The following DNAH1 variants were observed in gnomAD, a reference collection of about 807,000 sequenced individuals.
DNAH1 encodes the protein axonemal beta dynein heavy chain 1.
Under a neutral mutation model 484.3 loss-of-function variants are expected in DNAH1, and 327 were observed. The observed-to-expected ratio is 0.68, with a 90% CI of 0.62 to 0.74. DNAH1 has a LOEUF of 0.74. Ranked by LOEUF, DNAH1 falls within the 30% of genes least tolerant of loss-of-function variation. The pLI, the probability that DNAH1 is intolerant of heterozygous loss-of-function variation, is 0.00. For synonymous variants in DNAH1, 2,192 were observed against 2,191.9 expected, an observed-to-expected ratio of 1.00 and a Z score of 0.00; for missense variants, 5,052 against 5,546.8, an observed-to-expected ratio of 0.91 and a Z score of 2.83.
chr3:52,351,008 C>T (rs548544942), intron 16 of DNAH1, among the ~76,000 whole-genome samples: 1 of 152,334 alleles, frequency 6.6e-6, no homozygotes, highest in South Asian at 2.1e-4. Context: ...CACCACCATG[C>T]CCGGCTAATT....
At chr3:52,382,494 T>C in intron 50 of DNAH1, 39 bp downstream of exon 50, 1 of 1,609,640 alleles carries the variant, frequency 6.2e-7, no homozygotes. Context: ...TCGGGGGGGC[T>C]GGACACAACC....
chr3:52,382,200 C>G, intron 49 of DNAH1, 120 bp from the exon 50 acceptor site: 1 of 1,519,558 alleles, frequency 6.6e-7, no homozygotes, highest in Non-Finnish European at 9.0e-7. Flanking sequence ...GAAGGGTCTG[C>G]AGGTCTGCCC....
Position 52,374,112 on chromosome 3 carries a change from C to G in DNAH1, c.6985+1059C>G. On this transcript the variant is annotated intron_variant, in intron 44 of 77. Coordinates refer to ENST00000420323, the MANE Select transcript of DNAH1 (RefSeq NM_015512.5). ...CAGGAGAGAGATTTTCTTAAAACCA[C>G]CCTTCACAGAATCTATGGGAAATTC... 4 of 1,128,252 alleles carry G rather than the reference C, an allele frequency of 3.5e-6. No individual in the cohort carries two copies. In the South Asian group the frequency reaches 5.0e-5, roughly 14 times the overall value. The allele number at this position is 1,128,252 out of a possible 1,614,324, so 69.9% of individuals were successfully genotyped here.
chr3:52,362,978 T>G lies in DNAH1; in HGVS notation c.5095-17T>G, dbSNP rs768202982. The G allele has an allele frequency of 1.9e-5, 30 of 1,613,526 alleles. No individual in the cohort carries two copies. In the East Asian group the frequency reaches 2.5e-4, roughly 13 times the overall value. ...GTGAGCTCTGTTTGCTGTTCACATG[T>G]GCACTGTGTGTCCCAGGCGCTCTTC... On this transcript the variant is annotated splice_polypyrimidine_tract_variant and intron_variant, in intron 31 of 77. Coordinates refer to ENST00000420323, the MANE Select transcript of DNAH1 (RefSeq NM_015512.5). The surrounding 1 kb of genome is among the most constrained non-coding windows in gnomAD (Gnocchi z 5.1).
At chr3:52,319,527 C>G (rs539596022) in intron 1 of DNAH1, among the ~76,000 whole-genome samples, 2 of 152,358 alleles carry the variant, frequency 1.3e-5, no homozygotes, top group East Asian at 3.9e-4. Context: ...ATTCCCAACA[C>G]TGTGCCCACC....
intron 59 of DNAH1, 51 bp from the exon 60 acceptor site, chr3:52,389,410 G>A: frequency 6.2e-7 from 1 of 1,607,842 alleles, no homozygotes. Context: ...GGAGTTGGGA[G>A]GTCTCTGTGA....
intron 52 of DNAH1, 147 bp from the exon 53 acceptor site, chr3:52,384,639 T>G: frequency 1.3e-6 from 1 of 781,104 alleles, no homozygotes; most frequent in Non-Finnish European, 1.9e-6. Flanking sequence ...GACCTGGAGG[T>G]CGTGAGGCTC....
chr3:52,338,440 T>G (rs1245725650), intron 8 of DNAH1, among the ~76,000 whole-genome samples: 1 of 152,224 alleles, frequency 6.6e-6, no homozygotes, highest in Non-Finnish European at 1.5e-5. Context: ...TAAAATATTA[T>G]TACTATTCCT....
rs1701182592 is a variant in DNAH1, at chr3:52,322,465, G to A, written c.23G>A (p.Gly8Asp). 1 of 1,612,450 alleles carries A rather than the reference G, an allele frequency of 6.2e-7. No homozygotes were observed. Residue 8 changes from glycine to aspartate, a missense_variant, in exon 2 of 78, where the codon GGC (glycine) becomes GAC (aspartate). By Grantham distance (94) the Gly-to-Asp change is moderately conservative. Coordinates refer to ENST00000420323, the MANE Select transcript of DNAH1 (RefSeq NM_015512.5). MEQPNSK[G>D]YSLGRTPQGP... is the part of the protein sequence containing the mutation. ...AGCATGGAGCAGCCTAACAGTAAAG[G>A]CTATAGCCTGGGAAGGACCCCTCAG...
intron 66 of DNAH1, among the ~76,000 whole-genome samples, chr3:52,394,206 A>T (rs1225210945): frequency 6.6e-6 from 1 of 152,244 alleles, no homozygotes; most frequent in Admixed American, 6.5e-5. Flanking sequence ...CTGGCCTGGG[A>T]AGCAGTCAGC....
Position 52,349,238 on chromosome 3 carries a change from G to A in DNAH1, c.2344G>A (p.Val782Ile), listed in dbSNP as rs1215969539. 1.9e-6 allele frequency: 3 copies of A among 1,613,884 alleles called. No homozygotes were observed. Among genetic ancestry groups the A allele is most frequent in the East Asian group, 2.2e-5 (1 of 44,876 alleles). ...QGLLAQEVRE[V>I]VLTHLREKEI... Reference sequence around the variant, plus strand: ...CCTGTTGGCCCAGGAGGTGCGGGAGGTAGTGCTCACCCACCTGCGGGAGAA... The same window carrying A: ...CCTGTTGGCCCAGGAGGTGCGGGAGATAGTGCTCACCCACCTGCGGGAGAA... Residue 782 changes from valine (V) to isoleucine (I), a missense_variant, in exon 14 of 78, where the codon GTA (valine) becomes ATA (isoleucine). Val to Ile is a conservative substitution (Grantham distance 29, BLOSUM62 3). Transcript: ENST00000420323.
chr3:52,335,451 G>C (rs1307791401), intron 8 of DNAH1, among the ~76,000 whole-genome samples: 3 of 143,044 alleles, frequency 2.1e-5, no homozygotes, highest in African/African-American at 8.1e-5. Context: ...GGAATTACAG[G>C]TGCCTGCCAC....
chr3:52,377,164 G>A (rs1026112655), intron 46 of DNAH1, among the ~76,000 whole-genome samples: 6 of 152,056 alleles, frequency 3.9e-5, no homozygotes, highest in Non-Finnish European at 8.8e-5. Context: ...TGTCCACAGG[G>A]TATCTCAGGC....
In DNAH1 at chr3:52,372,036, A is replaced by G; in HGVS notation, c.6616A>G (p.Thr2206Ala). The G allele has an allele frequency of 6.2e-7, 1 of 1,613,798 alleles. No individual in the cohort carries two copies. The highest frequency in any genetic ancestry group is 8.5e-7 in the Non-Finnish European group (1 of 1,179,868). ...CAACATCATTGTGCCCACCATGGACACCGTGCAGATGTCCCATTTACTGGA... is the reference window on the plus strand; with the variant it reads ...CAACATCATTGTGCCCACCATGGACGCCGTGCAGATGTCCCATTTACTGGA... ...YCNIIVPTMD[T>A]VQMSHLLDML... Residue 2206 changes from threonine to alanine, a missense_variant, in exon 42 of 78, where the codon ACC (threonine) becomes GCC (alanine). Transcript: ENST00000420323.
chr3:52,372,425 T>C (rs2153224792), intron 43 of DNAH1, 38 bp downstream of exon 43: 1 of 1,606,482 alleles, frequency 6.2e-7, no homozygotes, highest in Non-Finnish European at 8.5e-7. Context: ...CCCTGCATCC[T>C]CCCAGCCTGG....
Position 52,364,844 on chromosome 3 carries a change from C to T in DNAH1, c.5343C>T (p.Cys1781=). The T allele has an allele frequency of 6.2e-7, 1 of 1,613,656 alleles. No individual in the cohort carries two copies. Among genetic ancestry groups the T allele is most frequent in the Non-Finnish European group, 8.5e-7 (1 of 1,179,650 alleles). The change falls in exon 34 of 78, where the codon TGC becomes TGT. Residue 1781 remains cysteine, a synonymous_variant. Transcript: ENST00000420323. The surrounding 1 kb of genome is among the most constrained non-coding windows in gnomAD (Gnocchi z 4.2). Reference sequence around the variant, plus strand: ...GGCACCTGCTGCAGGAGCTGATCTGCCTCCGGGCCATCCGTGATGTGAACG... The same window carrying T: ...GGCACCTGCTGCAGGAGCTGATCTGTCTCCGGGCCATCCGTGATGTGAACG... The part of the protein sequence containing the change: ...ENPSMNEELI[C]LRAIRDVNVP...
At position 52,400,450 on chromosome 3, in the gene DNAH1, C is replaced by A. The variant is rs772999429; in HGVS notation, c.*4C>A. On this transcript the variant is annotated 3_prime_UTR_variant, in exon 78 of 78. Coordinates refer to ENST00000420323, the MANE Select transcript of DNAH1 (RefSeq NM_015512.5). ...CATCTGTGCCCTGGACTACTAGACT[C>A]AGACAGAAGGGCTGGGGCCATTAAA... is the stretch of plus-strand genomic sequence containing the variant. The A allele has an allele frequency of 3.1e-6, 5 of 1,613,928 alleles. No individual in the cohort carries two copies. The East Asian group carries it at 1.1e-4, about 36-fold the overall frequency.
chr3:52,381,904 G>A lies in DNAH1; in HGVS notation c.7805+68G>A. Reference sequence around the variant, plus strand: ...TGGCTGGTCGGTTTGACTGACCCATGCTTTTGCACAGTGGTAGAGGCCTCG... The same window carrying A: ...TGGCTGGTCGGTTTGACTGACCCATACTTTTGCACAGTGGTAGAGGCCTCG... On this transcript the variant is annotated intron_variant, in intron 49 of 77. Coordinates refer to ENST00000420323, the MANE Select transcript of DNAH1 (RefSeq NM_015512.5). The surrounding 1 kb of genome is among the most constrained non-coding windows in gnomAD (Gnocchi z 4.1). The A allele has an allele frequency of 6.7e-7, 1 of 1,494,964 alleles. No homozygotes were observed. The allele number at this position is 1,494,964 out of a possible 1,614,324, so 92.6% of individuals were successfully genotyped here. A position where few individuals can be genotyped will look rare whatever the true frequency, so the allele number is the denominator to read the frequency against.
Position 52,396,612 on chromosome 3 carries a change from C to G in DNAH1, c.11431-6C>G, listed in dbSNP as rs371044206. ...CCTCACCTCCCCTGCCTCCCACCTC[C>G]CCCAGGTGATGGAGTTCAAGTCTCT... On this transcript the variant is annotated splice_region_variant and splice_polypyrimidine_tract_variant and intron_variant, in intron 71 of 77. Coordinates refer to ENST00000420323, the MANE Select transcript of DNAH1 (RefSeq NM_015512.5). 2.5e-6 allele frequency: 4 copies of G among 1,611,766 alleles called. No individual in the cohort carries two copies. The highest frequency in any genetic ancestry group is 3.4e-6 in the Non-Finnish European group (4 of 1,178,332).
Sources: allele counts gnomAD v4.1 joint callset (sites outside exome capture counted in the v4.1 genomes callset), GRCh38; gene constraint gnomAD v4.1.1; non-coding constraint Gnocchi (gnomAD v3.1); transcripts MANE v1.5; gene names NCBI Gene and HGNC (gene_info 2026-07-23, HGNC 2026-07-21).